The following ERC2 variants were observed in gnomAD, a reference collection of about 807,000 sequenced individuals.
ERC2 encodes ELKS/RAB6-interacting/CAST family member 2.
Under a neutral mutation model 114.8 loss-of-function variants are expected in ERC2, and 42 were observed. That is an observed-to-expected ratio of 0.37 (90% CI 0.29 to 0.47). ERC2 has a LOEUF of 0.47. Ranked by LOEUF, ERC2 falls within the 20% of genes least tolerant of loss-of-function variation. The pLI, the probability that ERC2 is intolerant of heterozygous loss-of-function variation, is 0.99. For missense variants in ERC2, 939 were observed against 1,150.7 expected, an observed-to-expected ratio of 0.82 and a Z score of 2.66; for synonymous variants, 454 against 425.5, an observed-to-expected ratio of 1.07 and a Z score of -0.82.
chr3:55,581,822 T>G (rs72870495), intron 17 of ERC2, among the ~76,000 whole-genome samples: 1,914 of 152,296 alleles, frequency 0.013, 39 homozygotes, highest in African/African-American at 0.044. Flanking sequence ...ACAGGTGGGT[T>G]AGCAGATGAC....
intron 15 of ERC2, among the ~76,000 whole-genome samples, chr3:55,706,306 TC>T (rs2148842344): frequency 6.6e-6 from 1 of 152,318 alleles, no homozygotes; most frequent in East Asian, 1.9e-4. Flanking sequence ...TCACCATGTT[TC>T]TGGAGATCAC....
chr3:55,971,086 C>T (rs575223597), intron 12 of ERC2, among the ~76,000 whole-genome samples: 1 of 152,092 alleles, frequency 6.6e-6, no homozygotes, highest in African/African-American at 2.4e-5. Flanking sequence ...GTCAGTCACA[C>T]AAAAACACAT....
intron 13 of ERC2, among the ~76,000 whole-genome samples, chr3:55,908,891 A>T (rs2064630026): frequency 1.3e-5 from 2 of 152,216 alleles, no homozygotes; most frequent in Admixed American, 6.5e-5. Flanking sequence ...AACTTAAGTA[A>T]TGCAGAGAAA....
chr3:55,653,623 A>T (rs1276581841), intron 17 of ERC2, among the ~76,000 whole-genome samples: 1 of 149,424 alleles, frequency 6.7e-6, no homozygotes, highest in Non-Finnish European at 1.5e-5. Context: ...GTAAGCCTGG[A>T]AGAATCTCTG....
At chr3:56,119,307 T>C (rs1456130893) in intron 6 of ERC2, among the ~76,000 whole-genome samples, 2 of 152,220 alleles carry the variant, frequency 1.3e-5, no homozygotes, top group Non-Finnish European at 2.9e-5. Context: ...ACTTTTGCAT[T>C]TCTCTATGAG....
intron 7 of ERC2, among the ~76,000 whole-genome samples, chr3:56,030,471 G>A (rs2149619969): frequency 6.6e-6 from 1 of 151,906 alleles, no homozygotes; most frequent in African/African-American, 2.4e-5. Flanking sequence ...AACTCTAATA[G>A]TTTTTCTTTC....
intron 16 of ERC2, among the ~76,000 whole-genome samples, chr3:55,686,922 C>T (rs1039639813): frequency 1.3e-5 from 2 of 152,196 alleles, no homozygotes; most frequent in Admixed American, 6.5e-5. Context: ...GGGATGGGAA[C>T]ATCCAAGGTG....
At chr3:56,120,607 A>G (rs1415172309) in intron 6 of ERC2, among the ~76,000 whole-genome samples, 1 of 152,336 alleles carries the variant, frequency 6.6e-6, no homozygotes, top group East Asian at 1.9e-4. Flanking sequence ...TCAAAACTCT[A>G]TAAAGCAGCT....
chr3:55,713,525 A>G (rs1378325539), intron 15 of ERC2, among the ~76,000 whole-genome samples: 1 of 152,042 alleles, frequency 6.6e-6, no homozygotes, highest in East Asian at 1.9e-4. Context: ...CCCTTACTAA[A>G]TATTTTGTTT....
At chr3:56,263,334 A>G (rs1289286082) in intron 3 of ERC2, among the ~76,000 whole-genome samples, 4 of 151,782 alleles carry the variant, frequency 2.6e-5, no homozygotes, top group African/African-American at 9.7e-5. Context: ...CAGTCTACTT[A>G]AGTAGCCTCA....
chr3:55,974,794 G>A (rs1361675661), intron 12 of ERC2, among the ~76,000 whole-genome samples: 1 of 152,148 alleles, frequency 6.6e-6, no homozygotes, highest in Admixed American at 6.5e-5. Context: ...GCTCAAGAGA[G>A]GGCAAAGACT....
At chr3:56,093,079 T>C (rs1576901233) in intron 6 of ERC2, among the ~76,000 whole-genome samples, 1 of 152,178 alleles carries the variant, frequency 6.6e-6, no homozygotes. Context: ...ACTAACAAAT[T>C]AGGCACTGTA....
At chr3:55,587,095 A>G (rs1330198137) in intron 17 of ERC2, among the ~76,000 whole-genome samples, 2 of 152,238 alleles carry the variant, frequency 1.3e-5, no homozygotes, top group Non-Finnish European at 2.9e-5. Context: ...AACAAATGTT[A>G]TCATACTGCA....
chr3:56,189,747 C>T (rs1037814917), intron 3 of ERC2, among the ~76,000 whole-genome samples: 20 of 152,242 alleles, frequency 1.3e-4, no homozygotes, highest in Non-Finnish European at 2.2e-4. Flanking sequence ...ATTATCCATG[C>T]ATGGAATTGG....
chr3:55,812,731 G>T (rs1281394399), intron 14 of ERC2, among the ~76,000 whole-genome samples: 4 of 152,242 alleles, frequency 2.6e-5, no homozygotes, highest in African/African-American at 9.6e-5. Flanking sequence ...CCAGGGTCAT[G>T]GGTGTATCTC....
intron 14 of ERC2, among the ~76,000 whole-genome samples, chr3:55,847,010 T>C (rs1343472708): frequency 6.6e-6 from 1 of 152,130 alleles, no homozygotes; most frequent in Non-Finnish European, 1.5e-5. Flanking sequence ...GAAGAAATGA[T>C]TGGCAGATGG....
chr3:55,773,941 T>C (rs2068414604), intron 14 of ERC2, among the ~76,000 whole-genome samples: 1 of 152,222 alleles, frequency 6.6e-6, no homozygotes, highest in Non-Finnish European at 1.5e-5. Flanking sequence ...TGTCATTTTA[T>C]TCTCTTCCTT....
At chr3:55,788,564 G>A (rs932383423) in intron 14 of ERC2, among the ~76,000 whole-genome samples, 2 of 152,208 alleles carry the variant, frequency 1.3e-5, no homozygotes, top group Admixed American at 6.5e-5. Flanking sequence ...CATATAATTC[G>A]GATGATATAG....
rs140948437 is a variant in ERC2 at position 56,231,601 on chromosome 3, T to C, written c.1075-58081A>G. The stretch of plus-strand genomic sequence containing the variant: ...GTAAGTATACACAATGCATTATAAA[T>C]TACAGTTGTTGAACTTGAGACAATT... On this transcript the variant is annotated intron_variant, in intron 3 of 17. Coordinates refer to ENST00000288221, the MANE Select transcript of ERC2 (RefSeq NM_015576.3). Among the ~76,000 whole-genome samples the C allele has an allele frequency of 9.8e-4, 150 of 152,324 alleles. 1 individual carries two copies. Among genetic ancestry groups the C allele is most frequent in the African/African-American group, 3.5e-3 (146 of 41,570 alleles).
Sources: allele counts gnomAD v4.1 joint callset (sites outside exome capture counted in the v4.1 genomes callset), GRCh38; gene constraint gnomAD v4.1.1; transcripts MANE v1.5; gene names NCBI Gene and HGNC (gene_info 2026-07-23, HGNC 2026-07-21).